SLC39A9: variants seen among roughly 807,000 people sequenced by gnomAD.
The protein encoded by SLC39A9 is solute carrier family 39 member 9.
Under a neutral mutation model 28.4 loss-of-function variants are expected in SLC39A9, and 14 were observed. The observed-to-expected ratio is 0.49, with a 90% CI of 0.33 to 0.77. The LOEUF is 0.77. Among genes scored for constraint, SLC39A9 ranks in the 30% least tolerant of loss-of-function variants. The pLI, the probability that SLC39A9 is intolerant of heterozygous loss-of-function variation, is 0.02. For synonymous variants in SLC39A9, 119 were observed against 149.6 expected (o/e 0.80, Z 1.49); for missense variants, 283 against 381.1 (o/e 0.74, Z 2.14).
At chr14:69,441,632 A>G (rs574013284) in intron 2 of SLC39A9, among the ~76,000 whole-genome samples, 1 of 152,348 alleles carries the variant, frequency 6.6e-6, no homozygotes, top group South Asian at 2.1e-4. Context: ...TTTTTATCTC[A>G]GCCTAGGTAT....
Position 69,462,027 on chromosome 14 carries a change from A to G in SLC39A9, c.*3434A>G, listed in dbSNP as rs919872075. On this transcript the variant is annotated 3_prime_UTR_variant, in exon 7 of 7. Transcript: ENST00000336643. ...ATTAAAACCTCTTTGTACCTGAGAC[A>G]TCTAGATTCACCTCAGGAGGCCTGA... The G allele has an allele frequency of 3.7e-6, 1 of 272,038 alleles. No individual in the cohort carries two copies. The highest frequency in any genetic ancestry group is 6.9e-6 in the Non-Finnish European group (1 of 144,382). The allele number at this position is 272,038 out of a possible 1,614,324, so 16.9% of individuals were successfully genotyped here. A position where few individuals can be genotyped will look rare whatever the true frequency, so the allele number is the denominator to read the frequency against.
chr14:69,451,841 A>G (rs1184175811), intron 3 of SLC39A9, among the ~76,000 whole-genome samples: 1 of 152,078 alleles, frequency 6.6e-6, no homozygotes, highest in African/African-American at 2.4e-5. Context: ...TTAACCTCCT[A>G]GATACCTGGG....
In SLC39A9 at chr14:69,399,117, C is replaced by T; in HGVS notation, c.-253C>T. 6.6e-6 allele frequency: 3 copies of T among 457,818 alleles called. No individual in the cohort carries two copies. Among genetic ancestry groups the T allele is most frequent in the South Asian group, 5.8e-5 (2 of 34,332 alleles). 28.4% of individuals were successfully genotyped at this position (457,818 alleles called of 1,614,324 possible). A position where few individuals can be genotyped will look rare whatever the true frequency, so the allele number is the denominator to read the frequency against. ...TAACCCACGAGAATCTAATGACTGG[C>T]ATCTGAGAACCCAGAGCCTGGGACC... On this transcript the variant is annotated 5_prime_UTR_variant, in exon 1 of 7. Coordinates refer to ENST00000336643, the MANE Select transcript of SLC39A9 (RefSeq NM_018375.5).
intron 3 of SLC39A9, among the ~76,000 whole-genome samples, chr14:69,443,110 A>C (rs1885124482): frequency 6.6e-6 from 1 of 152,232 alleles, no homozygotes; most frequent in African/African-American, 2.4e-5. Context: ...TTTTCATACG[A>C]TTTATATTAA....
chr14:69,458,482 C>T lies in SLC39A9; in HGVS notation c.813C>T (p.His271=), dbSNP rs1381857064. 1 of 1,614,256 alleles carries T rather than the reference C, an allele frequency of 6.2e-7. No homozygotes were observed. Among genetic ancestry groups the T allele is most frequent in the Non-Finnish European group, 8.5e-7 (1 of 1,180,044 alleles). The change falls in exon 7 of 7, where the codon CAC becomes CAT. Residue 271 remains histidine (H), a synonymous_variant. Coordinates refer to ENST00000336643, the MANE Select transcript of SLC39A9 (RefSeq NM_018375.5). ...TCCCTGAGGTGGGCGGAATAGGGCACAGCCACAAGCCCGATGCCACGGGAG... is the reference window on the plus strand; with the variant it reads ...TCCCTGAGGTGGGCGGAATAGGGCATAGCCACAAGCCCGATGCCACGGGAG... ...HVLPEVGGIG[H]SHKPDATGGR... is the part of the protein sequence containing the mutation.
chr14:69,446,270 TTATATATACATATA>T, intron 3 of SLC39A9, among the ~76,000 whole-genome samples: 1 of 146,386 alleles, frequency 6.8e-6, no homozygotes, highest in South Asian at 2.2e-4. Context: ...GTATATATAT[TTATATATACATATA>T]TATATATATA....
intron 1 of SLC39A9, among the ~76,000 whole-genome samples, chr14:69,407,837 C>T (rs1415486713): frequency 6.6e-6 from 1 of 151,032 alleles, no homozygotes; most frequent in Non-Finnish European, 1.5e-5. Flanking sequence ...AGGGTTTTTC[C>T]GTGTTGGTCA....
intron 1 of SLC39A9, among the ~76,000 whole-genome samples, chr14:69,407,025 T>A (rs892619469): frequency 2.0e-5 from 3 of 151,418 alleles, no homozygotes; most frequent in African/African-American, 7.3e-5. Flanking sequence ...TAATTTTTTG[T>A]ATTTTTAGTA....
chr14:69,455,325 GTTTT>G (rs1027088008), intron 5 of SLC39A9, among the ~76,000 whole-genome samples: 2 of 151,796 alleles, frequency 1.3e-5, no homozygotes, highest in African/African-American at 4.8e-5. Context: ...GTGTGTGTGG[GTTTT>G]TTGTTTTTTG....
At chr14:69,430,514 C>T (rs1433668502) in intron 2 of SLC39A9, among the ~76,000 whole-genome samples, 1 of 151,916 alleles carries the variant, frequency 6.6e-6, no homozygotes, top group Non-Finnish European at 1.5e-5. Flanking sequence ...ATTCTCTGTT[C>T]TGTTTTATTG....
At chr14:69,445,327 TC>T (rs1384981244) in intron 3 of SLC39A9, among the ~76,000 whole-genome samples, 1 of 152,112 alleles carries the variant, frequency 6.6e-6, no homozygotes, top group Non-Finnish European at 1.5e-5. Flanking sequence ...CTCAGCCTAC[TC>T]AATGTGAAGA....
Position 69,460,505 on chromosome 14 carries a change from T to G in SLC39A9, c.*1912T>G, listed in dbSNP as rs1886066371. ...TTCAAAACTATATGGTTGCCTAGAT[T>G]CTCTCTGGAAACTGACTTTGTCAAA... On this transcript the variant is annotated 3_prime_UTR_variant, in exon 7 of 7. Transcript: ENST00000336643. 4.1e-6 allele frequency: 4 copies of G among 985,452 alleles called. No homozygotes were observed. The highest frequency in any genetic ancestry group is 4.8e-6 in the Non-Finnish European group (4 of 829,934). The allele number at this position is 985,452 out of a possible 1,614,324, so 61.0% of individuals were successfully genotyped here. A position where few individuals can be genotyped will look rare whatever the true frequency, so the allele number is the denominator to read the frequency against.
At chr14:69,439,015 G>T (rs1005345613) in intron 2 of SLC39A9, among the ~76,000 whole-genome samples, 1 of 152,140 alleles carries the variant, frequency 6.6e-6, no homozygotes, top group Non-Finnish European at 1.5e-5. Context: ...CAGGTGAGAT[G>T]ATCTTATGCA....
At chr14:69,455,985 G>T in intron 6 of SLC39A9, 119 bp downstream of exon 6, 1 of 1,196,350 alleles carries the variant, frequency 8.4e-7, no homozygotes, top group Non-Finnish European at 1.2e-6. Context: ...AAAATTAGGA[G>T]TAAAAACTAT....
intron 1 of SLC39A9, among the ~76,000 whole-genome samples, chr14:69,400,453 C>T (rs1382090844): frequency 1.3e-5 from 2 of 152,128 alleles, no homozygotes; most frequent in Non-Finnish European, 2.9e-5. Context: ...AAGGAATTCA[C>T]GAAGTGCACA....
intron 1 of SLC39A9, among the ~76,000 whole-genome samples, chr14:69,411,781 A>ATT (rs541819902): frequency 6.5e-5 from 9 of 138,428 alleles, no homozygotes; most frequent in Admixed American, 7.2e-5. Context: ...CAGGTAAAGA[A>ATT]TTTTTTTTTT....
rs756223324 is a variant in SLC39A9 at position 69,399,445 on chromosome 14, T to C, written c.76T>C (p.Leu26=). 6.2e-7 allele frequency: 1 copy of C among 1,613,996 alleles called. No individual in the cohort carries two copies. Among genetic ancestry groups the C allele is most frequent in the South Asian group, 1.1e-5 (1 of 91,028 alleles). The change falls in exon 1 of 7, where the codon TTG becomes CTG. Residue 26 remains leucine, a synonymous_variant. Coordinates refer to ENST00000336643, the MANE Select transcript of SLC39A9 (RefSeq NM_018375.5). Reference sequence around the variant, plus strand: ...ATGTTACGTGGCCGGAATCATTCCCTTGGCTGTTAATTTCTCAGAGGTAAG... The same window carrying C: ...ATGTTACGTGGCCGGAATCATTCCCCTGGCTGTTAATTTCTCAGAGGTAAG... The part of the protein sequence containing the change: ...VGCYVAGIIP[L]AVNFSEERLK...
chr14:69,455,940 AT>A, intron 6 of SLC39A9, 74 bp downstream of exon 6: 1 of 1,535,418 alleles, frequency 6.5e-7, no homozygotes, highest in Non-Finnish European at 8.8e-7. Flanking sequence ...CTTAGATTGA[AT>A]TTTTCCAATA....
intron 3 of SLC39A9, 39 bp downstream of exon 3, chr14:69,442,305 T>C: frequency 6.3e-7 from 1 of 1,575,632 alleles, no homozygotes; most frequent in Non-Finnish European, 8.7e-7. Context: ...TGCAATACAT[T>C]TGCAGTTGAG....
Sources: gnomAD v4.1 joint callset for allele counts (sites outside exome capture counted in the v4.1 genomes callset) on GRCh38, gnomAD v4.1.1 for gene constraint, MANE v1.5 for transcripts, NCBI Gene and HGNC (gene_info 2026-07-23, HGNC 2026-07-21) for gene names.